Variants in POLR1F observed in about 807,000 individuals in gnomAD.
POLR1F encodes the protein RNA polymerase I subunit F.
POLR1F carries 23 observed loss-of-function variants against 21.8 expected under a neutral mutation model. That is an observed-to-expected ratio of 1.05 (90% CI 0.76 to 1.49). The LOEUF is 1.49. POLR1F is among the 40% of genes most tolerant of loss of function. POLR1F has a pLI of 0.00. For synonymous variants in POLR1F, 162 were observed against 152.8 expected (o/e 1.06, Z -0.45); for missense variants, 435 against 412.1 (o/e 1.06, Z -0.48).
chr7:19,701,167 TAAAC>T (rs2128006362), intron 2 of POLR1F, among the ~76,000 whole-genome samples: 1 of 152,278 alleles, frequency 6.6e-6, no homozygotes, highest in East Asian at 1.9e-4. Context: ...ATGGTCTAGA[TAAAC>T]AAACTGGTAC....
intron 2 of POLR1F, among the ~76,000 whole-genome samples, chr7:19,704,221 G>C (rs935569652): frequency 2.0e-5 from 3 of 152,302 alleles, no homozygotes; most frequent in Admixed American, 2.0e-4. Flanking sequence ...TATACACACA[G>C]AGAACTGCTG....
rs181119981 is a variant in POLR1F, at chr7:19,696,591, A to G, written c.*1725T>C. 6.6e-4 allele frequency: 100 copies of G among 152,232 alleles called. No individual in the cohort carries two copies. The highest frequency in any genetic ancestry group is 2.1e-3 in the Admixed American group (32 of 15,292). 9.4% of individuals were successfully genotyped at this position (152,232 alleles called of 1,614,324 possible). ...CTAAGCATTTCCTGGGTATGCCACT[A>G]TATTAAGTCCTAGTAATATGATATA... On this transcript the variant is annotated 3_prime_UTR_variant, in exon 4 of 4. Coordinates refer to ENST00000222567, the MANE Select transcript of POLR1F (RefSeq NM_001002926.2).
At position 19,705,065 on chromosome 7, in the gene POLR1F, T is replaced by C. The variant is rs555644860; in HGVS notation, c.255-145A>G. The C allele has an allele frequency of 1.8e-5, 13 of 726,458 alleles. 1 individual carries two copies. The highest frequency in any genetic ancestry group is 1.1e-4 in the Admixed American group (3 of 26,852). The allele number at this position is 726,458 out of a possible 1,614,324, so 45.0% of individuals were successfully genotyped here. A position where few individuals can be genotyped will look rare whatever the true frequency, so the allele number is the denominator to read the frequency against. On this transcript the variant is annotated intron_variant, in intron 1 of 3. Coordinates refer to ENST00000222567, the MANE Select transcript of POLR1F (RefSeq NM_001002926.2). ...TGCAGCCTCGACCTCCTGGGCTCAA[T>C]TGATCCTTCTGCCTCAGCCTCCCAA...
chr7:19,702,137 C>T (rs2128006503), intron 2 of POLR1F, among the ~76,000 whole-genome samples: 1 of 152,156 alleles, frequency 6.6e-6, no homozygotes, highest in Middle Eastern at 3.4e-3. Flanking sequence ...AAACTACAGA[C>T]TTTACTTGAT....
chr7:19,698,693 C>A lies in POLR1F; in HGVS notation c.640G>T (p.Val214Phe), dbSNP rs1452289769. The change falls in exon 4 of 4, where the codon GTT (valine) becomes TTT (phenylalanine). Residue 214 changes from valine (V) to phenylalanine (F), a missense_variant. Coordinates refer to ENST00000222567, the MANE Select transcript of POLR1F (RefSeq NM_001002926.2). ...GCTTCCTCAGTGCCATTTTCTGTAA[C>A]TTCTTCAGAAACTTCAGAGCGCTTG... is the stretch of plus-strand genomic sequence containing the variant. The part of the protein sequence containing the change: ...QFKRSEVSEE[V>F]TENGTEEAAK... 3.2e-6 allele frequency: 5 copies of A among 1,565,198 alleles called. No individual in the cohort carries two copies. The highest frequency in any genetic ancestry group is 4.3e-6 in the Non-Finnish European group (5 of 1,166,110).
intron 3 of POLR1F, 29 bp from the exon 4 acceptor site, chr7:19,698,756 A>G (rs1783410016): frequency 6.7e-6 from 10 of 1,485,466 alleles, no homozygotes; most frequent in Non-Finnish European, 8.9e-6. Flanking sequence ...AAAAATTAAC[A>G]GAACAATAAG....
chr7:19,698,731 T>C lies in POLR1F; in HGVS notation c.606-4A>G. On this transcript the variant is annotated splice_region_variant and splice_polypyrimidine_tract_variant and intron_variant, in intron 3 of 3. Transcript: ENST00000222567. The stretch of plus-strand genomic sequence containing the variant: ...TTCAGAGCGCTTGAATTGTAAACTA[T>C]AAATTAACAGTTAAAAAAATTAACA... The C allele has an allele frequency of 6.6e-7, 1 of 1,505,744 alleles. No homozygotes were observed. The allele number at this position is 1,505,744 out of a possible 1,614,324, so 93.3% of individuals were successfully genotyped here. A position where few individuals can be genotyped will look rare whatever the true frequency, so the allele number is the denominator to read the frequency against.
In POLR1F at chr7:19,696,037, T is replaced by A. The variant is rs1020476703; in HGVS notation, c.*2279A>T. 1 of 152,122 alleles carries A rather than the reference T, an allele frequency of 6.6e-6. No individual in the cohort carries two copies. Among genetic ancestry groups the A allele is most frequent in the East Asian group, 1.9e-4 (1 of 5,196 alleles). The allele number at this position is 152,122 out of a possible 1,614,324, so 9.4% of individuals were successfully genotyped here. On this transcript the variant is annotated 3_prime_UTR_variant, in exon 4 of 4. Coordinates refer to ENST00000222567, the MANE Select transcript of POLR1F (RefSeq NM_001002926.2). ...GAGGTGTCTTGCACAGTGAAATGGGTGAATGATAGGAACTGGAGAGAGGGT... is the reference window on the plus strand; with the variant it reads ...GAGGTGTCTTGCACAGTGAAATGGGAGAATGATAGGAACTGGAGAGAGGGT...
chr7:19,704,864 T>A lies in POLR1F; in HGVS notation c.311A>T (p.Asp104Val), dbSNP rs768557072. ...DNIKVVGELG[D>V]IYDDQGHIHL... ...AATGTGTCCTTGATCATCATAAATA[T>A]CTCCAAGCTCTCCCACAACTTTGAT... The change falls in exon 2 of 4, where the codon GAT becomes GTT. Residue 104 changes from aspartate (D) to valine (V), a missense_variant. Asp to Val is a radical substitution (Grantham distance 152). Coordinates refer to ENST00000222567, the MANE Select transcript of POLR1F (RefSeq NM_001002926.2). 5.6e-6 allele frequency: 9 copies of A among 1,607,044 alleles called. No homozygotes were observed. The highest frequency in any genetic ancestry group is 7.6e-6 in the Non-Finnish European group (9 of 1,177,550).
Position 19,700,271 on chromosome 7 carries a change from T to C in POLR1F, c.406A>G (p.Asn136Asp). The C allele has an allele frequency of 6.2e-7, 1 of 1,613,172 alleles. No individual in the cohort carries two copies. The change falls in exon 3 of 4, where the codon AAT becomes GAT. Residue 136 changes from asparagine (N) to aspartate (D), a missense_variant. Physicochemically the swap from Asn to Asp is conservative, Grantham distance 23. Coordinates refer to ENST00000222567, the MANE Select transcript of POLR1F (RefSeq NM_001002926.2). ...EPGQKLMGIV[N>D]KVSSSHIGCL... ...CCAATGTGGCTAGAAGACACTTTAT[T>C]AACTATACCCTGGGAAGAAGAAGGA...
chr7:19,707,423 A>C (rs574073837), intron 1 of POLR1F, among the ~76,000 whole-genome samples: 1 of 152,268 alleles, frequency 6.6e-6, no homozygotes, highest in African/African-American at 2.4e-5. Flanking sequence ...GGGAAAAGCA[A>C]AATGGCCATC....
intron 2 of POLR1F, among the ~76,000 whole-genome samples, chr7:19,703,551 A>G (rs1276469139): frequency 6.6e-6 from 1 of 152,160 alleles, no homozygotes; most frequent in Non-Finnish European, 1.5e-5. Flanking sequence ...TACTTTTTCT[A>G]CAATCTGTTA....
At chr7:19,698,887 C>A (rs1022996326) in intron 3 of POLR1F, among the ~76,000 whole-genome samples, 160 bp from the exon 4 acceptor site, 1 of 152,116 alleles carries the variant, frequency 6.6e-6, no homozygotes, top group Non-Finnish European at 1.5e-5. Context: ...CCTGTTATCC[C>A]TCAACCCACT....
At chr7:19,706,463 G>GA (rs1288347567) in intron 1 of POLR1F, among the ~76,000 whole-genome samples, 2 of 152,164 alleles carry the variant, frequency 1.3e-5, no homozygotes, top group Non-Finnish European at 2.9e-5. Flanking sequence ...GGTGGAAGGG[G>GA]GGACATGTGG....
chr7:19,695,936 T>A lies in POLR1F; in HGVS notation c.*2380A>T, dbSNP rs899565910. The A allele has an allele frequency of 6.6e-6, 1 of 152,178 alleles. No individual in the cohort carries two copies. The highest frequency in any genetic ancestry group is 2.4e-5 in the African/African-American group (1 of 41,452). 9.4% of individuals were successfully genotyped at this position (152,178 alleles called of 1,614,324 possible). A position where few individuals can be genotyped will look rare whatever the true frequency, so the allele number is the denominator to read the frequency against. On this transcript the variant is annotated 3_prime_UTR_variant, in exon 4 of 4. Coordinates refer to ENST00000222567, the MANE Select transcript of POLR1F (RefSeq NM_001002926.2). ...TTTGTACTTGTCATTTATACTTGTG[T>A]ATCTTATAGACAAAACGGTAAGCCC...
Position 19,697,418 on chromosome 7 carries a change from A to T in POLR1F, c.*898T>A. 6.6e-6 allele frequency: 1 copy of T among 152,272 alleles called. No homozygotes were observed. Among genetic ancestry groups the T allele is most frequent in the East Asian group, 1.9e-4 (1 of 5,184 alleles). 9.4% of individuals were successfully genotyped at this position (152,272 alleles called of 1,614,324 possible). A position where few individuals can be genotyped will look rare whatever the true frequency, so the allele number is the denominator to read the frequency against. On this transcript the variant is annotated 3_prime_UTR_variant, in exon 4 of 4. Transcript: ENST00000222567. ...GATTACCAGCTTCAACCAGCTTGTC[A>T]TTTCATTACACTTTGTCAATTAGTC... is the stretch of plus-strand genomic sequence containing the variant.
rs552561135 is a variant in POLR1F, at chr7:19,696,277, C to A, written c.*2039G>T. The A allele has an allele frequency of 6.6e-6, 1 of 152,178 alleles. No homozygotes were observed. The highest frequency in any genetic ancestry group is 6.5e-5 in the Admixed American group (1 of 15,290). 9.4% of individuals were successfully genotyped at this position (152,178 alleles called of 1,614,324 possible). ...GGCCAGATCTGACTTTTCAAAACTA[C>A]TCACATTGTGAAAAAAGCAGGAACA... On this transcript the variant is annotated 3_prime_UTR_variant, in exon 4 of 4. Coordinates refer to ENST00000222567, the MANE Select transcript of POLR1F (RefSeq NM_001002926.2).
chr7:19,707,189 A>G (rs1474109404), intron 1 of POLR1F, among the ~76,000 whole-genome samples: 8 of 152,160 alleles, frequency 5.3e-5, no homozygotes, highest in African/African-American at 1.9e-4. Flanking sequence ...TTCTCATCCT[A>G]TTTGGTAGCT....
chr7:19,706,799 T>C (rs1783531637), intron 1 of POLR1F, among the ~76,000 whole-genome samples: 1 of 152,246 alleles, frequency 6.6e-6, no homozygotes, highest in African/African-American at 2.4e-5. Flanking sequence ...CCTTCACTTT[T>C]GTTTTTCAGA....
Sources: allele counts gnomAD v4.1 joint callset (sites outside exome capture counted in the v4.1 genomes callset), GRCh38; gene constraint gnomAD v4.1.1; transcripts MANE v1.5; gene names NCBI Gene and HGNC (gene_info 2026-07-23, HGNC 2026-07-21).